The following TTC34 variants were observed in gnomAD, a reference collection of about 807,000 sequenced individuals.
The protein encoded by TTC34 is tetratricopeptide repeat protein 34.
Under a neutral mutation model 40.7 loss-of-function variants are expected in TTC34, and 44 were observed. The ratio of observed to expected loss-of-function variants is 1.08; its 90% CI spans 0.85 to 1.39. TTC34 has a LOEUF of 1.39. Ranked by LOEUF, TTC34 falls within the 40% of genes most tolerant of loss-of-function variation. TTC34 has a pLI of 0.00. For synonymous variants in TTC34, 422 were observed against 398.6 expected, an observed-to-expected ratio of 1.06 and a Z score of -0.70; for missense variants, 884 against 838.0, an observed-to-expected ratio of 1.05 and a Z score of -0.68.
In TTC34 at chr1:2,693,340, GCA is replaced by G. The variant is rs1557622432; in HGVS notation, c.2227-47779_2227-47778del. 2.4e-3 allele frequency among the ~76,000 whole-genome samples: 100 copies of G among 41,844 alleles called. 1 individual carries two copies. Among genetic ancestry groups the G allele is most frequent in the Non-Finnish European group, 4.5e-3 (85 of 18,834 alleles). 27.5% of individuals were successfully genotyped at this position (41,844 alleles called of 152,430 possible). A position where few individuals can be genotyped will look rare whatever the true frequency, so the allele number is the denominator to read the frequency against. On this transcript the variant is annotated intron_variant, in intron 6 of 8. Transcript: ENST00000401095. ...AGCCTCTGACAGCCTGGAACAGCAC[GCA>G]CACCCCCAGGTGAGCATGTGACAGC...
intron 6 of TTC34, among the ~76,000 whole-genome samples, chr1:2,656,372 A>ACTG (rs1639346489): frequency 9.9e-4 from 6 of 6,044 alleles, no homozygotes; most frequent in East Asian, 3.8e-3. Flanking sequence ...AACAGCACCC[A>ACTG]CACCCACAGG....
chr1:2,768,429 C>A (rs1324399030), intron 6 of TTC34, among the ~76,000 whole-genome samples: 1 of 151,764 alleles, frequency 6.6e-6, no homozygotes, highest in Non-Finnish European at 1.5e-5. Context: ...CCCAGGTGAG[C>A]ATCTGACAGC....
At chr1:2,757,020 C>CCCT (rs1641529307) in intron 6 of TTC34, among the ~76,000 whole-genome samples, 5 of 129,572 alleles carry the variant, frequency 3.9e-5, no homozygotes, top group Admixed American at 7.7e-5. Context: ...TGGAACAGCA[C>CCCT]GCGCACCCCC....
At chr1:2,699,092 C>A in intron 6 of TTC34, among the ~76,000 whole-genome samples, 1 of 144,618 alleles carries the variant, frequency 6.9e-6, no homozygotes, top group Non-Finnish European at 1.5e-5. Flanking sequence ...CGCCCACACA[C>A]CCAAGTGAGC....
At chr1:2,682,053 G>A (rs1424264846) in intron 6 of TTC34, among the ~76,000 whole-genome samples, 5 of 75,348 alleles carry the variant, frequency 6.6e-5, no homozygotes, top group Non-Finnish European at 1.1e-4. Flanking sequence ...ACATTGTGGA[G>A]CAGCACCCCA....
chr1:2,655,551 C>T (rs1463713994), intron 6 of TTC34, among the ~76,000 whole-genome samples: 3 of 125,508 alleles, frequency 2.4e-5, no homozygotes, highest in African/African-American at 9.4e-5. Flanking sequence ...GAGCATCTGA[C>T]AGCCTGCAAC....
intron 6 of TTC34, among the ~76,000 whole-genome samples, chr1:2,652,696 G>A (rs1639190651): frequency 6.7e-6 from 1 of 148,840 alleles, no homozygotes; most frequent in African/African-American, 2.5e-5. Context: ...CCACAGGTGA[G>A]CATCTGACAG....
At chr1:2,753,224 G>T (rs1641384876) in intron 6 of TTC34, among the ~76,000 whole-genome samples, 31 of 112,700 alleles carry the variant, frequency 2.8e-4, no homozygotes, top group African/African-American at 1.2e-3. Flanking sequence ...ACCCACAGGT[G>T]AGCATCTGAC....
Position 2,759,901 on chromosome 1 carries a change from GCCTGGAACAT to G in TTC34, c.2226+23698_2226+23707del, listed in dbSNP as rs1641638282. On this transcript the variant is annotated intron_variant, in intron 6 of 8. Coordinates refer to ENST00000401095, the Ensembl canonical transcript of TTC34. ...TGCACCCTCAGGTGAGCATCTGACA[GCCTGGAACAT>G]CACCCTGCACCCCCAGGTGAGCATC... Among the ~76,000 whole-genome samples, 40 of 143,348 alleles carry G rather than the reference GCCTGGAACAT, an allele frequency of 2.8e-4. 1 individual carries two copies. Among genetic ancestry groups the G allele is most frequent in the South Asian group, 4.5e-4 (2 of 4,468 alleles). The allele number at this position is 143,348 out of a possible 152,430, so 94.0% of individuals were successfully genotyped here. A position where few individuals can be genotyped will look rare whatever the true frequency, so the allele number is the denominator to read the frequency against.
At chr1:2,791,872 C>G (rs1643666674) in intron 2 of TTC34, among the ~76,000 whole-genome samples, 1 of 152,026 alleles carries the variant, frequency 6.6e-6, no homozygotes, top group Non-Finnish European at 1.5e-5. Context: ...CCAGGTCACC[C>G]AGCCTCTGTT....
chr1:2,692,778 A>ACC (rs1640686519), intron 6 of TTC34, among the ~76,000 whole-genome samples: 1 of 113,756 alleles, frequency 8.8e-6, no homozygotes, highest in Non-Finnish European at 1.8e-5. Flanking sequence ...CTGGAGCAGC[A>ACC]CACACACCCA....
At chr1:2,764,230 G>A (rs1641725060) in intron 6 of TTC34, among the ~76,000 whole-genome samples, 1 of 150,108 alleles carries the variant, frequency 6.7e-6, no homozygotes, top group African/African-American at 2.5e-5. Context: ...ACACCCAGGC[G>A]AGCATCTGAC....
At chr1:2,760,316 CG>C (rs1166764410) in intron 6 of TTC34, among the ~76,000 whole-genome samples, 14 of 41,054 alleles carry the variant, frequency 3.4e-4, no homozygotes, top group Admixed American at 9.4e-4. Flanking sequence ...GGAACAGCAC[CG>C]CACACCCGCA....
chr1:2,651,703 A>G (rs372580990), intron 6 of TTC34, among the ~76,000 whole-genome samples: 2 of 147,902 alleles, frequency 1.4e-5, no homozygotes, highest in African/African-American at 5.0e-5. Context: ...CTGAAACCCT[A>G]CAGCACCACC....
chr1:2,759,803 C>A (rs1641634047), intron 6 of TTC34, among the ~76,000 whole-genome samples: 1 of 145,578 alleles, frequency 6.9e-6, no homozygotes, highest in Non-Finnish European at 1.5e-5. Flanking sequence ...CCCACACTCC[C>A]AGGCGAGCAT....
Position 2,645,296 on chromosome 1 carries a change from G to T in TTC34, c.2494C>A (p.Gln832Lys). The stretch of plus-strand genomic sequence containing the variant: ...CCACCTTGGGGCCGCCGCATACCCT[G>T]TGCCATGAGAATGTCTGCCAGGAGG... Residue 832 changes from glutamine to lysine, a missense_variant, in exon 7 of 9, where the codon CAG becomes AAG. Transcript: ENST00000401095. The surrounding 1 kb of genome is among the most constrained non-coding windows in gnomAD (Gnocchi z 4.7). 6.7e-7 allele frequency: 1 copy of T among 1,489,344 alleles called. No homozygotes were observed. The highest frequency in any genetic ancestry group is 8.9e-7 in the Non-Finnish European group (1 of 1,121,664). The allele number at this position is 1,489,344 out of a possible 1,614,324, so 92.3% of individuals were successfully genotyped here. A position where few individuals can be genotyped will look rare whatever the true frequency, so the allele number is the denominator to read the frequency against.
chr1:2,784,990 T>C (rs142999633), intron 5 of TTC34, among the ~76,000 whole-genome samples: 7,635 of 150,922 alleles, frequency 0.051, 341 homozygotes, highest in African/African-American at 0.12. Flanking sequence ...CGCTCTGGGC[T>C]GCTCTGGGCC....
At chr1:2,784,831 T>A (rs1643553285) in intron 5 of TTC34, among the ~76,000 whole-genome samples, 1 of 152,268 alleles carries the variant, frequency 6.6e-6, no homozygotes, top group Non-Finnish European at 1.5e-5. Context: ...ACTGAAACAG[T>A]TTGTGCCTTC....
chr1:2,683,965 C>T (rs4648676), intron 6 of TTC34, among the ~76,000 whole-genome samples: 2 of 63,288 alleles, frequency 3.2e-5, no homozygotes, highest in East Asian at 4.6e-4. Context: ...CACAGTTGAG[C>T]ATCTGACAGC....
Sources: allele counts gnomAD v4.1 joint callset (sites outside exome capture counted in the v4.1 genomes callset), GRCh38; gene constraint gnomAD v4.1.1; non-coding constraint Gnocchi (gnomAD v3.1); transcripts MANE v1.5; gene names NCBI Gene and HGNC (gene_info 2026-07-23, HGNC 2026-07-21).